TCOF1: variants seen among roughly 807,000 people sequenced by gnomAD.
The protein encoded by TCOF1 is treacle ribosome biogenesis factor 1.
A neutral mutation model predicts 149.0 loss-of-function variants in TCOF1; 33 were observed. That is an observed-to-expected ratio of 0.22 (90% CI 0.17 to 0.30). TCOF1 has a LOEUF of 0.30. Among genes scored for constraint, TCOF1 ranks in the 10% least tolerant of loss-of-function variants. The pLI, the probability that TCOF1 is intolerant of heterozygous loss-of-function variation, is 1.00. For synonymous variants in TCOF1, 789 were observed against 738.8 expected (o/e 1.07, Z -1.10); for missense variants, 1,728 against 1,840.7 (o/e 0.94, Z 1.12).
At chr5:150,380,381 G>A (rs1470610467) in intron 17 of TCOF1, 4 of 155,934 alleles carry the variant, frequency 2.6e-5, no homozygotes, top group African/African-American at 9.6e-5. Context: ...ATACGTTAAC[G>A]TTATACAAAA....
intron 19 of TCOF1, among the ~76,000 whole-genome samples, chr5:150,391,117 T>TG (rs1327647908): frequency 1.3e-5 from 2 of 151,250 alleles, no homozygotes; most frequent in Non-Finnish European, 2.9e-5. Context: ...AACTGAGAGG[T>TG]GGGGACAGCT....
At chr5:150,363,247 T>C (rs1760576255) in intron 2 of TCOF1, among the ~76,000 whole-genome samples, 1 of 152,296 alleles carries the variant, frequency 6.6e-6, no homozygotes, top group East Asian at 1.9e-4. Flanking sequence ...AATTGATACA[T>C]GTAAAAATGA....
At chr5:150,371,193 AC>A (rs894786573) in intron 6 of TCOF1, among the ~76,000 whole-genome samples, 1 of 152,134 alleles carries the variant, frequency 6.6e-6, no homozygotes, top group African/African-American at 2.4e-5. Flanking sequence ...TTCTCACTTT[AC>A]TGTGCTGCCT....
intron 21 of TCOF1, 86 bp from the exon 22 acceptor site, chr5:150,392,619 G>C: frequency 7.3e-7 from 1 of 1,372,286 alleles, no homozygotes; most frequent in Non-Finnish European, 1.0e-6. Flanking sequence ...GACCTGCAGA[G>C]AGACCAGGGC....
intron 1 of TCOF1, among the ~76,000 whole-genome samples, chr5:150,358,415 G>T (rs1349899201): frequency 1.3e-5 from 2 of 152,128 alleles, no homozygotes; most frequent in African/African-American, 2.4e-5. Flanking sequence ...CGGTACTCAG[G>T]GTGCTTCCTG....
At chr5:150,372,294 G>A in intron 7 of TCOF1, 58 bp downstream of exon 7, 1 of 1,480,986 alleles carries the variant, frequency 6.8e-7, no homozygotes, top group Non-Finnish European at 9.2e-7. Context: ...AGCAGCCTGA[G>A]CACTCTGCCA....
intron 26 of TCOF1, 68 bp downstream of exon 26, chr5:150,399,138 G>C (rs1160146754): frequency 6.2e-7 from 1 of 1,606,098 alleles, no homozygotes; most frequent in Non-Finnish European, 8.5e-7. Context: ...TGTGGTCCCA[G>C]AGAGCCAGGC....
intron 4 of TCOF1, 85 bp from the exon 5 acceptor site, chr5:150,368,631 G>T: frequency 2.0e-6 from 3 of 1,514,102 alleles, no homozygotes; most frequent in Non-Finnish European, 1.8e-6. Flanking sequence ...CTAAGAAGTG[G>T]TAAGATTGGG....
chr5:150,370,987 AG>A, intron 6 of TCOF1, among the ~76,000 whole-genome samples: 1 of 152,270 alleles, frequency 6.6e-6, no homozygotes, highest in Non-Finnish European at 1.5e-5. Flanking sequence ...GCATTTAATA[AG>A]ATTGCTGGCT....
At chr5:150,374,570 T>C (rs764117099) in intron 8 of TCOF1, 47 bp from the exon 9 acceptor site, 6 of 1,611,608 alleles carry the variant, frequency 3.7e-6, no homozygotes, top group Non-Finnish European at 5.1e-6. Flanking sequence ...CTGTGTCTCC[T>C]CACACGTCCA....
At chr5:150,381,261 G>A (rs1347602265) in intron 17 of TCOF1, among the ~76,000 whole-genome samples, 1 of 152,172 alleles carries the variant, frequency 6.6e-6, no homozygotes, top group Non-Finnish European at 1.5e-5. Flanking sequence ...AACAAGCACT[G>A]AGATGAATGC....
At chr5:150,382,950 G>T in intron 17 of TCOF1, 1 of 831,896 alleles carries the variant, frequency 1.2e-6, no homozygotes, top group South Asian at 1.8e-5. Flanking sequence ...AAGGGGCCAC[G>T]CTGCCTCCCC....
At position 150,364,229 on chromosome 5, in the gene TCOF1, C is replaced by G; in HGVS notation, c.281C>G (p.Ala94Gly). 1 of 1,614,154 alleles carries G rather than the reference C, an allele frequency of 6.2e-7. No individual in the cohort carries two copies. Among genetic ancestry groups the G allele is most frequent in the East Asian group, 2.2e-5 (1 of 44,890 alleles). The change falls in exon 3 of 27, where the codon GCA (alanine) becomes GGA (glycine). Residue 94 changes from alanine (A) to glycine (G), a missense_variant. Around this residue, in one of 2 missense-constraint regions of TCOF1, gnomAD observed 1,696 missense variants for 1,765.4 expected, o/e 0.96. Transcript: ENST00000643257. ...GAGAGCTCGGAAGAGGAGGAAGAAG[C>G]AGAAGCCGAAACCGCCAAAGCCAGT... ...TSESSEEEEEAEAETAKATPR... is the reference protein window; with the variant it reads ...TSESSEEEEEGEAETAKATPR...
chr5:150,383,246 TC>T (rs1384310447), intron 17 of TCOF1: 1 of 1,293,742 alleles, frequency 7.7e-7, no homozygotes, highest in Non-Finnish European at 1.0e-6. Flanking sequence ...AGAGGGCAGA[TC>T]TTGCCCATAG....
chr5:150,391,707 A>G (rs1408644101), intron 20 of TCOF1, 50 bp downstream of exon 20: 1 of 1,549,240 alleles, frequency 6.5e-7, no homozygotes, highest in South Asian at 1.1e-5. Flanking sequence ...TAGAAGGTGC[A>G]GGCGTGGCCC....
intron 9 of TCOF1, 48 bp from the exon 10 acceptor site, chr5:150,374,906 C>A (rs1161639353): frequency 6.2e-7 from 1 of 1,613,818 alleles, no homozygotes; most frequent in African/African-American, 1.3e-5. Context: ...CTCCTGTCTC[C>A]ACACGTCCAC....
intron 4 of TCOF1, chr5:150,368,275 G>C (rs1761784422): frequency 2.8e-6 from 1 of 362,116 alleles, no homozygotes; most frequent in African/African-American, 2.1e-5. Context: ...TAGTGATCAA[G>C]ACATCTGTGG....
intron 17 of TCOF1, chr5:150,384,717 C>T: frequency 2.0e-6 from 2 of 985,424 alleles, no homozygotes; most frequent in Non-Finnish European, 1.2e-6. Flanking sequence ...TTTGTACATT[C>T]CCCCAGGAGG....
intron 14 of TCOF1, 112 bp from the exon 15 acceptor site, chr5:150,378,793 C>A: frequency 1.3e-6 from 2 of 1,497,528 alleles, no homozygotes; most frequent in Non-Finnish European, 1.9e-6. Flanking sequence ...ACGCCTATTG[C>A]ATGGAGGAGC....
Sources: allele counts gnomAD v4.1 joint callset (sites outside exome capture counted in the v4.1 genomes callset), GRCh38; gene constraint gnomAD v4.1.1; regional missense constraint gnomAD v4.1.1; transcripts MANE v1.5; gene names NCBI Gene and HGNC (gene_info 2026-07-23, HGNC 2026-07-21).